Variants in KIAA1549L observed in about 807,000 individuals in gnomAD.
KIAA1549L encodes the protein UPF0606 protein KIAA1549L.
In KIAA1549L, 88 loss-of-function variants were observed where a neutral mutation model predicts 160.7. That is an observed-to-expected ratio of 0.55 (90% CI 0.46 to 0.65). The LOEUF is 0.65. KIAA1549L is among the 30% of genes least tolerant of loss of function. The pLI, the probability that KIAA1549L is intolerant of heterozygous loss-of-function variation, is 0.00. For synonymous variants in KIAA1549L, 950 were observed against 976.7 expected (o/e 0.97, Z 0.51); for missense variants, 2,258 against 2,437.5 (o/e 0.93, Z 1.55).
intron 1 of KIAA1549L, among the ~76,000 whole-genome samples, chr11:33,496,031 C>G (rs1446628889): frequency 6.6e-6 from 1 of 152,172 alleles, no homozygotes; most frequent in East Asian, 1.9e-4. Flanking sequence ...GGTGAGATCT[C>G]TGCTCACTGC....
Position 33,387,423 on chromosome 11 carries a change from A to T in KIAA1549L, c.238+10534A>T, listed in dbSNP as rs543123572. ...CAGGTTCAAGCAATTCTCCTGCCTC[A>T]GCCTCCCAAGTAGCTGGGACTACAG... On this transcript the variant is annotated intron_variant, in intron 1 of 20. Coordinates refer to ENST00000658780, the MANE Select transcript of KIAA1549L (RefSeq NM_012194.3). Among the ~76,000 whole-genome samples the T allele has an allele frequency of 2.0e-5, 3 of 152,206 alleles. No homozygotes were observed. The South Asian group carries it at 6.2e-4, about 32-fold the overall frequency.
rs142772852 is a variant in KIAA1549L at position 33,512,893 on chromosome 11, C to A, written c.239-28909C>A. ...AGCTTGGGTTTTAATCTGAGTCTGT[C>A]AGATTCTAAGGCTCATGTTCTTACC... is the stretch of plus-strand genomic sequence containing the variant. On this transcript the variant is annotated intron_variant, in intron 1 of 20. Transcript: ENST00000658780. 7.9e-3 allele frequency among the ~76,000 whole-genome samples: 1,197 copies of A among 152,270 alleles called. 20 individuals are homozygous for A. The highest frequency in any genetic ancestry group is 0.027 in the African/African-American group (1,123 of 41,562).
intron 1 of KIAA1549L, among the ~76,000 whole-genome samples, chr11:33,495,052 A>G (rs534742165): frequency 1.7e-4 from 26 of 152,326 alleles, no homozygotes; most frequent in Middle Eastern, 3.4e-3. Flanking sequence ...GGCCACTTTC[A>G]GAGATCAGAA....
chr11:33,443,969 A>G (rs1460092767), intron 1 of KIAA1549L, among the ~76,000 whole-genome samples: 9 of 152,220 alleles, frequency 5.9e-5, no homozygotes, highest in Non-Finnish European at 1.5e-5. Context: ...CTCTGCCATG[A>G]TAACCACATG....
At chr11:33,581,664 AT>A (rs1855648857) in intron 10 of KIAA1549L, among the ~76,000 whole-genome samples, 1 of 152,194 alleles carries the variant, frequency 6.6e-6, no homozygotes, top group Non-Finnish European at 1.5e-5. Context: ...CTCTACTGAA[AT>A]TCTTGCAATT....
chr11:33,592,529 C>T (rs1590377161), intron 12 of KIAA1549L, among the ~76,000 whole-genome samples: 1 of 151,356 alleles, frequency 6.6e-6, no homozygotes, highest in African/African-American at 2.4e-5. Flanking sequence ...ATCCATGTCT[C>T]CTTCCTTTCT....
intron 17 of KIAA1549L, among the ~76,000 whole-genome samples, chr11:33,647,947 AAC>A (rs1452387792): frequency 2.4e-4 from 37 of 152,254 alleles, no homozygotes; most frequent in African/African-American, 8.4e-4. Flanking sequence ...ACTGTGAAAT[AAC>A]ACAACAGAGA....
chr11:33,403,252 C>CGCGGACAG (rs1166087132), intron 1 of KIAA1549L: 43 of 110,220 alleles, frequency 3.9e-4, no homozygotes, highest in East Asian at 1.2e-3. Flanking sequence ...TATGCAGACA[C>CGCGGACAG]ACACACAGAC....
chr11:33,531,207 C>T (rs959034634), intron 1 of KIAA1549L, among the ~76,000 whole-genome samples: 4 of 152,004 alleles, frequency 2.6e-5, no homozygotes, highest in Non-Finnish European at 5.9e-5. Context: ...GTTGCGGTGG[C>T]TCACGCCTGT....
At chr11:33,416,515 G>A (rs1044200540) in intron 1 of KIAA1549L, among the ~76,000 whole-genome samples, 1 of 151,500 alleles carries the variant, frequency 6.6e-6, no homozygotes, top group African/African-American at 2.4e-5. Context: ...AAACAATACA[G>A]GATAACAGCT....
At chr11:33,421,932 A>G (rs1266838847) in intron 1 of KIAA1549L, among the ~76,000 whole-genome samples, 2 of 152,020 alleles carry the variant, frequency 1.3e-5, no homozygotes, top group African/African-American at 4.8e-5. Context: ...GGGGTTTGAG[A>G]ATTTGCATTT....
At chr11:33,560,494 C>T (rs1348420648) in intron 7 of KIAA1549L, among the ~76,000 whole-genome samples, 1 of 152,200 alleles carries the variant, frequency 6.6e-6, no homozygotes, top group Non-Finnish European at 1.5e-5. Context: ...CATTTGCAGT[C>T]CATGGTGTGA....
chr11:33,401,038 C>T (rs939374759), intron 1 of KIAA1549L, among the ~76,000 whole-genome samples: 38 of 152,108 alleles, frequency 2.5e-4, no homozygotes, highest in Admixed American at 2.2e-3. Flanking sequence ...CCATGAGCTG[C>T]GTCCCAGGTC....
chr11:33,668,430 T>C lies in KIAA1549L; in HGVS notation c.*276T>C, dbSNP rs1852560853. On this transcript the variant is annotated 3_prime_UTR_variant, in exon 21 of 21. Coordinates refer to ENST00000658780, the MANE Select transcript of KIAA1549L (RefSeq NM_012194.3). ...GTTTGAACTTTGGGCATGTGCCCTA[T>C]GGAAGCTTAGTCACAAGAGGCACTA... 4.1e-6 allele frequency: 2 copies of C among 485,516 alleles called. No individual in the cohort carries two copies. Among genetic ancestry groups the C allele is most frequent in the East Asian group, 7.0e-5 (2 of 28,760 alleles). The allele number at this position is 485,516 out of a possible 1,614,324, so 30.1% of individuals were successfully genotyped here.
At chr11:33,528,229 C>A (rs1255224792) in intron 1 of KIAA1549L, among the ~76,000 whole-genome samples, 1 of 152,116 alleles carries the variant, frequency 6.6e-6, no homozygotes. Context: ...TGAAAAAATG[C>A]TCAAGATCAC....
At chr11:33,634,486 G>A (rs1401303189) in intron 16 of KIAA1549L, among the ~76,000 whole-genome samples, 1 of 152,188 alleles carries the variant, frequency 6.6e-6, no homozygotes, top group Non-Finnish European at 1.5e-5. Flanking sequence ...TAATGTTTTT[G>A]CAAACACAGG....
chr11:33,432,980 C>T (rs1215139554), intron 1 of KIAA1549L, among the ~76,000 whole-genome samples: 1 of 152,086 alleles, frequency 6.6e-6, no homozygotes, highest in Admixed American at 6.6e-5. Flanking sequence ...CCATAAAAAC[C>T]CTAGAAGAAA....
chr11:33,380,940 A>G (rs1005132938), intron 1 of KIAA1549L, among the ~76,000 whole-genome samples: 3 of 151,950 alleles, frequency 2.0e-5, no homozygotes, highest in African/African-American at 4.8e-5. Flanking sequence ...TTTATTCAGT[A>G]TGTTTTGAAT....
At chr11:33,418,272 G>A (rs752561065) in intron 1 of KIAA1549L, among the ~76,000 whole-genome samples, 7 of 152,178 alleles carry the variant, frequency 4.6e-5, no homozygotes, top group South Asian at 2.1e-4. Context: ...AACAGACACC[G>A]CCTGATGTCT....
Sources: allele counts gnomAD v4.1 joint callset (sites outside exome capture counted in the v4.1 genomes callset), GRCh38; gene constraint gnomAD v4.1.1; transcripts MANE v1.5; gene names NCBI Gene and HGNC (gene_info 2026-07-23, HGNC 2026-07-21).